UBE4B: variants seen among roughly 807,000 people sequenced by gnomAD.
UBE4B encodes ubiquitination factor E4B.
A neutral mutation model predicts 148.1 loss-of-function variants in UBE4B; 27 were observed. That is an observed-to-expected ratio of 0.18 (90% CI 0.13 to 0.25). The LOEUF is 0.25. UBE4B is among the 10% of genes least tolerant of loss of function. UBE4B has a pLI of 1.00. For synonymous variants in UBE4B, 596 were observed against 619.3 expected, an observed-to-expected ratio of 0.96 and a Z score of 0.56; for missense variants, 1,170 against 1,662.4, an observed-to-expected ratio of 0.70 and a Z score of 5.15.
At position 10,137,186 on chromosome 1, in the gene UBE4B, G is replaced by A. The variant is rs1645701526; in HGVS notation, c.2344G>A (p.Ala782Thr). 6.2e-7 allele frequency: 1 copy of A among 1,614,064 alleles called. No individual in the cohort carries two copies. Among genetic ancestry groups the A allele is most frequent in the East Asian group, 2.2e-5 (1 of 44,874 alleles). The change falls in exon 17 of 28, where the codon GCT becomes ACT. Residue 782 changes from alanine (A) to threonine (T), a missense_variant. Physicochemically the swap from Ala to Thr is moderately conservative, Grantham distance 58 (BLOSUM62 0). Around this residue, in one of 6 missense-constraint regions of UBE4B, gnomAD observed 388 missense variants for 536.0 expected, o/e 0.72. Transcript: ENST00000343090. Reference protein sequence around the residue: ...SCRRYIRRLRAIRELNRTVED... With the variant: ...SCRRYIRRLRTIRELNRTVED... The stretch of plus-strand genomic sequence containing the variant: ...CCGTCGCTATATCCGCAGACTCCGG[G>A]CTATCCGGGAGCTCAATAGGTATGT...
intron 2 of UBE4B, among the ~76,000 whole-genome samples, chr1:10,079,054 A>T (rs1270985403): frequency 6.6e-6 from 1 of 152,014 alleles, no homozygotes; most frequent in Non-Finnish European, 1.5e-5. Flanking sequence ...CCTGGCCTCA[A>T]GCGATCTTCC....
chr1:10,098,339 A>C (rs904919936), intron 3 of UBE4B, among the ~76,000 whole-genome samples: 2 of 152,226 alleles, frequency 1.3e-5, no homozygotes, highest in African/African-American at 4.8e-5. Flanking sequence ...AGAGTTTGAT[A>C]AAATTCCACA....
At chr1:10,124,559 T>C (rs1220298365) in intron 10 of UBE4B, among the ~76,000 whole-genome samples, 1 of 152,184 alleles carries the variant, frequency 6.6e-6, no homozygotes, top group Non-Finnish European at 1.5e-5. Flanking sequence ...CTCTTTGTCT[T>C]TTCTTATGTG....
intron 21 of UBE4B, among the ~76,000 whole-genome samples, chr1:10,158,069 T>C (rs753712047): frequency 6.6e-6 from 1 of 152,212 alleles, no homozygotes; most frequent in Non-Finnish European, 1.5e-5. Flanking sequence ...GGGAGTATGA[T>C]AATTCAGCTT....
At chr1:10,179,857 C>T (rs758729231) in intron 27 of UBE4B, 38 bp from the exon 28 acceptor site, 1 of 1,609,362 alleles carries the variant, frequency 6.2e-7, no homozygotes, top group Non-Finnish European at 8.5e-7. Flanking sequence ...AGAGCCCTCC[C>T]ATCTGGGGCA....
intron 26 of UBE4B, chr1:10,179,198 C>A (rs191622694): frequency 1.0e-5 from 6 of 572,784 alleles, no homozygotes; most frequent in Admixed American, 9.8e-5. Context: ...TCTGTTCCCT[C>A]CCCCCAGCAG....
chr1:10,178,241 T>G (rs1646455266), intron 25 of UBE4B, among the ~76,000 whole-genome samples: 1 of 152,148 alleles, frequency 6.6e-6, no homozygotes, highest in Non-Finnish European at 1.5e-5. Flanking sequence ...CTCTTCTTTC[T>G]TATAGGCTGC....
chr1:10,101,572 G>A (rs1290184448), intron 4 of UBE4B, among the ~76,000 whole-genome samples: 5 of 132,618 alleles, frequency 3.8e-5, no homozygotes, highest in East Asian at 2.2e-4. Context: ...GCAGTGGTGC[G>A]ATCTCGGCTC....
At chr1:10,110,261 G>A (rs912036347) in intron 7 of UBE4B, among the ~76,000 whole-genome samples, 1 of 152,214 alleles carries the variant, frequency 6.6e-6, no homozygotes, top group Non-Finnish European at 1.5e-5. Flanking sequence ...TTATAGGGGT[G>A]ATGATAAGGA....
In UBE4B at chr1:10,045,535, C is replaced by T. The variant is rs1643893331; in HGVS notation, c.24+11841C>T. ...TGGTGGTGAAAAATAATGGTACAGT[C>T]TACAGTCTGACATATTTGATGAAAT... On this transcript the variant is annotated intron_variant, in intron 1 of 27. Transcript: ENST00000343090. Among the ~76,000 whole-genome samples, 3 of 152,216 alleles carry T rather than the reference C, an allele frequency of 2.0e-5. No individual in the cohort carries two copies. The South Asian group carries it at 6.2e-4, about 32-fold the overall frequency.
Position 10,126,749 on chromosome 1 carries a change from G to C in UBE4B, c.1555-45G>C, listed in dbSNP as rs371965349. ...TTATTTGACATACTTCCCACTCTTA[G>C]ATTCTCTTAAACTTATATTTCTGAT... On this transcript the variant is annotated intron_variant, in intron 10 of 27. Transcript: ENST00000343090. The C allele has an allele frequency of 1.3e-5, 19 of 1,515,998 alleles. No homozygotes were observed. The African/African-American group carries it at 1.5e-4, about 12-fold the overall frequency. The allele number at this position is 1,515,998 out of a possible 1,614,324, so 93.9% of individuals were successfully genotyped here. A position where few individuals can be genotyped will look rare whatever the true frequency, so the allele number is the denominator to read the frequency against.
intron 1 of UBE4B, among the ~76,000 whole-genome samples, chr1:10,041,596 A>G (rs1196694598): frequency 2.0e-5 from 3 of 151,842 alleles, no homozygotes; most frequent in Non-Finnish European, 4.4e-5. Context: ...CGGCCTTCCA[A>G]AGTGCTGGGA....
At chr1:10,039,470 C>T (rs774105642) in intron 1 of UBE4B, among the ~76,000 whole-genome samples, 7 of 152,014 alleles carry the variant, frequency 4.6e-5, no homozygotes, top group Non-Finnish European at 1.0e-4. Context: ...CTCTCTGTTG[C>T]CCAGGCTGGA....
intron 11 of UBE4B, among the ~76,000 whole-genome samples, chr1:10,128,095 G>C (rs1645531095): frequency 6.6e-6 from 1 of 152,216 alleles, no homozygotes; most frequent in Non-Finnish European, 1.5e-5. Flanking sequence ...ATAAAAGGAA[G>C]TGGAATAATC....
intron 1 of UBE4B, among the ~76,000 whole-genome samples, chr1:10,062,885 G>A (rs1644313262): frequency 6.6e-6 from 1 of 151,756 alleles, no homozygotes; most frequent in African/African-American, 2.4e-5. Flanking sequence ...GTACCTGGGA[G>A]GCGGAGGTTG....
At chr1:10,042,656 G>C (rs535549499) in intron 1 of UBE4B, among the ~76,000 whole-genome samples, 5 of 152,222 alleles carry the variant, frequency 3.3e-5, no homozygotes, top group South Asian at 2.1e-4. Flanking sequence ...CAAAAGCAAA[G>C]AAACAAACAA....
chr1:10,052,955 A>T (rs1393912613), intron 1 of UBE4B, among the ~76,000 whole-genome samples: 1 of 152,070 alleles, frequency 6.6e-6, no homozygotes, highest in African/African-American at 2.4e-5. Flanking sequence ...CCTCACTTGG[A>T]GGAAGGAGCA....
At chr1:10,154,257 A>C (rs981985882) in intron 21 of UBE4B, among the ~76,000 whole-genome samples, 2 of 151,636 alleles carry the variant, frequency 1.3e-5, no homozygotes, top group African/African-American at 2.4e-5. Context: ...CAAAACAAAA[A>C]ACAAAACAAA....
intron 10 of UBE4B, among the ~76,000 whole-genome samples, chr1:10,123,149 G>A (rs1424430438): frequency 1.3e-5 from 2 of 152,016 alleles, no homozygotes; most frequent in African/African-American, 2.4e-5. Flanking sequence ...AATCACTGTC[G>A]GCCGGGCGCA....
Sources: gnomAD v4.1 joint callset for allele counts (sites outside exome capture counted in the v4.1 genomes callset) on GRCh38, gnomAD v4.1.1 for gene constraint, gnomAD v4.1.1 regional missense constraint, MANE v1.5 for transcripts, NCBI Gene and HGNC (gene_info 2026-07-23, HGNC 2026-07-21) for gene names.